Variants in AGBL3 observed in about 807,000 individuals in gnomAD.
AGBL3 encodes cytosolic carboxypeptidase 3.
In AGBL3, 68 loss-of-function variants were observed where a neutral mutation model predicts 94.5. That is an observed-to-expected ratio of 0.72 (90% CI 0.59 to 0.88). The LOEUF is 0.88. Ranked by LOEUF, AGBL3 falls within the 40% of genes least tolerant of loss-of-function variation. The pLI, the probability that AGBL3 is intolerant of heterozygous loss-of-function variation, is 0.00. For missense variants in AGBL3, 934 were observed against 1,103.8 expected (o/e 0.85, Z 2.18); for synonymous variants, 354 against 370.7 (o/e 0.95, Z 0.52).
intron 16 of AGBL3, among the ~76,000 whole-genome samples, chr7:135,126,004 C>T (rs1375244561): frequency 6.6e-6 from 1 of 152,178 alleles, no homozygotes; most frequent in African/African-American, 2.4e-5. Context: ...TGCCCTCTCT[C>T]ACCACCCCTG....
At chr7:135,102,981 G>T (rs1297688159) in intron 15 of AGBL3, among the ~76,000 whole-genome samples, 1 of 152,052 alleles carries the variant, frequency 6.6e-6, no homozygotes, top group African/African-American at 2.4e-5. Context: ...TAAAATGCAT[G>T]GGACATATTG....
At chr7:135,091,584 C>T (rs909437567) in intron 15 of AGBL3, among the ~76,000 whole-genome samples, 1 of 152,156 alleles carries the variant, frequency 6.6e-6, no homozygotes, top group East Asian at 1.9e-4. Flanking sequence ...AGTTAGCCAT[C>T]TTGCTGACAT....
At chr7:135,087,842 A>G (rs1299144144) in intron 15 of AGBL3, among the ~76,000 whole-genome samples, 3 of 152,068 alleles carry the variant, frequency 2.0e-5, no homozygotes, top group African/African-American at 4.8e-5. Flanking sequence ...CATTTGTTCT[A>G]AAGTGCAGTT....
intron 16 of AGBL3, among the ~76,000 whole-genome samples, chr7:135,134,443 A>T (rs1829202187): frequency 6.6e-6 from 1 of 152,112 alleles, no homozygotes; most frequent in Non-Finnish European, 1.5e-5. Context: ...TATAGAAAAA[A>T]ATCTCATAGC....
chr7:135,081,749 T>C lies in AGBL3; in HGVS notation c.2069T>C (p.Met690Thr), dbSNP rs375875978. 2.2e-4 allele frequency: 340 copies of C among 1,542,710 alleles called. No homozygotes were observed. The African/African-American group carries it at 4.3e-3, about 20-fold the overall frequency. ...AGGCCAAATGAACCAGATGATTATA[T>C]GGTTGATTATTTCAGAAGACAATTA... ...DTRPNEPDDY[M>T]VDYFRRQLPN... The change falls in exon 15 of 17, where the codon ATG (methionine) becomes ACG (threonine). Residue 690 changes from methionine to threonine, a missense_variant. Coordinates refer to ENST00000436302, the MANE Select transcript of AGBL3 (RefSeq NM_178563.4).
Position 135,080,189 on chromosome 7 carries a change from C to A in AGBL3, c.1981-14C>A. 6.5e-7 allele frequency: 1 copy of A among 1,533,820 alleles called. No individual in the cohort carries two copies. Among genetic ancestry groups the A allele is most frequent in the South Asian group, 1.2e-5 (1 of 83,572 alleles). On this transcript the variant is annotated splice_polypyrimidine_tract_variant and intron_variant, in intron 13 of 16. Transcript: ENST00000436302. The stretch of plus-strand genomic sequence containing the variant: ...TAAAATAGCATTGTTTTCTTTGATT[C>A]TACATTCCATTAGGTTTATGATAGA...
intron 15 of AGBL3, among the ~76,000 whole-genome samples, chr7:135,106,784 A>T: frequency 6.6e-6 from 1 of 152,164 alleles, no homozygotes; most frequent in Non-Finnish European, 1.5e-5. Context: ...TTTCAGTAGG[A>T]ATGGTACCAG....
chr7:135,008,597 C>A (rs1192323326), intron 4 of AGBL3, among the ~76,000 whole-genome samples: 5 of 146,416 alleles, frequency 3.4e-5, no homozygotes, highest in Non-Finnish European at 6.0e-5. Context: ...AGGTATAATG[C>A]CAGAAGCACA....
At chr7:135,050,935 T>C in intron 11 of AGBL3, 1 of 377,408 alleles carries the variant, frequency 2.6e-6, no homozygotes, top group Non-Finnish European at 5.1e-6. Context: ...AGATTTACTA[T>C]TGCCATTTTG....
chr7:135,032,609 C>A (rs1177357597), intron 5 of AGBL3, among the ~76,000 whole-genome samples: 1 of 152,000 alleles, frequency 6.6e-6, no homozygotes, highest in African/African-American at 2.4e-5. Context: ...TGACCCACTG[C>A]GCCTGGCCAA....
chr7:135,033,511 T>G (rs982872439), intron 6 of AGBL3, among the ~76,000 whole-genome samples: 2 of 152,178 alleles, frequency 1.3e-5, no homozygotes, highest in African/African-American at 4.8e-5. Context: ...GCTTATAGAA[T>G]AGAAAGTTAC....
At chr7:135,106,355 G>C (rs1824721773) in intron 15 of AGBL3, among the ~76,000 whole-genome samples, 1 of 151,972 alleles carries the variant, frequency 6.6e-6, no homozygotes, top group South Asian at 2.1e-4. Flanking sequence ...GATGTTGGCT[G>C]TGGGCATGTC....
chr7:135,079,608 G>A (rs1436748441), intron 13 of AGBL3, among the ~76,000 whole-genome samples: 1 of 149,128 alleles, frequency 6.7e-6, no homozygotes, highest in Admixed American at 6.8e-5. Flanking sequence ...TGGGATTACA[G>A]GTGACTGCCA....
At chr7:135,076,594 T>A in intron 13 of AGBL3, 126 bp downstream of exon 13, 1 of 673,446 alleles carries the variant, frequency 1.5e-6, no homozygotes. Context: ...TTGTTCATAT[T>A]ATCTACTGTT....
At chr7:135,054,115 A>T (rs867543596) in intron 11 of AGBL3, among the ~76,000 whole-genome samples, 1 of 152,248 alleles carries the variant, frequency 6.6e-6, no homozygotes, top group Non-Finnish European at 1.5e-5. Flanking sequence ...GCAGCCTTCT[A>T]TATAATTTTA....
At chr7:135,119,737 C>T (rs1001348964) in intron 16 of AGBL3, among the ~76,000 whole-genome samples, 25 of 152,022 alleles carry the variant, frequency 1.6e-4, no homozygotes, top group Non-Finnish European at 2.8e-4. Flanking sequence ...ATTAGCTGGG[C>T]GTGGCAGCGG....
chr7:135,053,404 T>G (rs1006526442), intron 11 of AGBL3, among the ~76,000 whole-genome samples: 8 of 152,092 alleles, frequency 5.3e-5, no homozygotes, highest in Non-Finnish European at 1.2e-4. Context: ...GGTTGGGAGT[T>G]TGAGACCAGC....
intron 15 of AGBL3, among the ~76,000 whole-genome samples, chr7:135,107,733 A>G (rs1324382325): frequency 6.6e-6 from 1 of 152,160 alleles, no homozygotes; most frequent in East Asian, 1.9e-4. Context: ...TATCAGATCT[A>G]TTTGGTCCAA....
intron 8 of AGBL3, among the ~76,000 whole-genome samples, chr7:135,042,346 G>A (rs1816935552): frequency 6.6e-6 from 1 of 152,072 alleles, no homozygotes; most frequent in Admixed American, 6.6e-5. Flanking sequence ...CAATAAAAAG[G>A]AATGAATATT....
Sources: allele counts gnomAD v4.1 joint callset (sites outside exome capture counted in the v4.1 genomes callset), GRCh38; gene constraint gnomAD v4.1.1; transcripts MANE v1.5; gene names NCBI Gene and HGNC (gene_info 2026-07-23, HGNC 2026-07-21).